The following GREB1 variants were observed in gnomAD, a reference collection of about 807,000 sequenced individuals.
GREB1 encodes protein GREB1.
Under a neutral mutation model 200.7 loss-of-function variants are expected in GREB1, and 106 were observed. The ratio of observed to expected loss-of-function variants is 0.53; its 90% CI spans 0.45 to 0.62. GREB1 has a LOEUF of 0.62. Ranked by LOEUF, GREB1 falls within the 20% of genes least tolerant of loss-of-function variation. The probability of loss-of-function intolerance (pLI) is 0.00; values close to 1 mark genes in which losing one functional copy is unlikely to be tolerated. For synonymous variants in GREB1, 1,132 were observed against 1,092.4 expected (o/e 1.04, Z -0.72); for missense variants, 2,243 against 2,556.8 (o/e 0.88, Z 2.65).
chr2:11,568,503 C>A (rs1677922065), intron 4 of GREB1, among the ~76,000 whole-genome samples: 1 of 152,260 alleles, frequency 6.6e-6, no homozygotes, highest in African/African-American at 2.4e-5. Context: ...TCCAGAAAAC[C>A]CACTCTAGCA....
At chr2:11,603,610 C>T (rs1681978898) in intron 17 of GREB1, among the ~76,000 whole-genome samples, 1 of 152,210 alleles carries the variant, frequency 6.6e-6, no homozygotes, top group African/African-American at 2.4e-5. Context: ...CTTGCAGAAA[C>T]TAAATCTCTT....
At chr2:11,521,888 T>C (rs560938706) in intron 1 of GREB1, among the ~76,000 whole-genome samples, 1 of 152,332 alleles carries the variant, frequency 6.6e-6, no homozygotes, top group South Asian at 2.1e-4. Flanking sequence ...CTTTGTACAA[T>C]GTACTCCACT....
At chr2:11,635,180 G>A (rs1054463290) in intron 29 of GREB1, 90 bp from the exon 30 acceptor site, 60 of 1,505,544 alleles carry the variant, frequency 4.0e-5, no homozygotes, top group Middle Eastern at 1.8e-4. Flanking sequence ...AGCCCCCTAC[G>A]ATGGGGACCC....
At chr2:11,504,842 T>G (rs1231683635) in intron 1 of GREB1, among the ~76,000 whole-genome samples, 1 of 152,270 alleles carries the variant, frequency 6.6e-6, no homozygotes, top group Non-Finnish European at 1.5e-5. Flanking sequence ...ATTGAGCCCT[T>G]TCTTGTGCCA....
intron 23 of GREB1, among the ~76,000 whole-genome samples, chr2:11,624,264 G>A (rs926843409): frequency 6.6e-6 from 1 of 151,814 alleles, no homozygotes; most frequent in African/African-American, 2.4e-5. Context: ...CAAGGTGGGT[G>A]CCCGGTACAG....
chr2:11,572,010 C>G (rs957003626), intron 4 of GREB1, among the ~76,000 whole-genome samples: 1 of 152,138 alleles, frequency 6.6e-6, no homozygotes, highest in African/African-American at 2.4e-5. Context: ...CACGCCCAGC[C>G]GAACCATGCA....
At chr2:11,577,563 G>A (rs1368990261) in intron 5 of GREB1, among the ~76,000 whole-genome samples, 1 of 152,200 alleles carries the variant, frequency 6.6e-6, no homozygotes, top group African/African-American at 2.4e-5. Context: ...CGCAGGGTGA[G>A]GAGGAGGCTG....
intron 1 of GREB1, among the ~76,000 whole-genome samples, chr2:11,550,041 C>T (rs1270131315): frequency 6.6e-6 from 1 of 152,094 alleles, no homozygotes; most frequent in Non-Finnish European, 1.5e-5. Context: ...CAACATAATG[C>T]AACCCCATTT....
chr2:11,573,715 C>G (rs2148014576), intron 4 of GREB1, among the ~76,000 whole-genome samples: 1 of 152,340 alleles, frequency 6.6e-6, no homozygotes, highest in African/African-American at 2.4e-5. Flanking sequence ...AGTTTGCTTG[C>G]TGAGTCCCTA....
intron 2 of GREB1, among the ~76,000 whole-genome samples, chr2:11,557,202 G>C (rs775596303): frequency 6.6e-6 from 1 of 152,030 alleles, no homozygotes; most frequent in Non-Finnish European, 1.5e-5. Flanking sequence ...AAAACCAAAA[G>C]CAAACATTAT....
At chr2:11,620,005 T>G (rs774148966) in intron 22 of GREB1, among the ~76,000 whole-genome samples, 7 of 152,020 alleles carry the variant, frequency 4.6e-5, no homozygotes, top group Non-Finnish European at 8.8e-5. Flanking sequence ...TCAGACGGAG[T>G]CTCGCTCTGT....
chr2:11,610,962 G>T lies in GREB1; in HGVS notation c.2941G>T (p.Glu981Ter). The change falls in exon 18 of 33, where the codon GAG becomes TAG. Residue 981 changes from glutamate to a stop codon, truncating the protein, a stop_gained. Coordinates refer to ENST00000381486, the MANE Select transcript of GREB1 (RefSeq NM_014668.4). LOFTEE classifies it high-confidence loss of function. Reference protein sequence around the residue: ...RARLALEEHFEIILGSPSSGV... With the variant: ...RARLALEEHF ...CCGGCTGGCGCTGGAGGAGCACTTT[G>T]AGATCATCCTGGGCAGTCCCAGCTC... 6.2e-7 allele frequency: 1 copy of T among 1,609,186 alleles called. No individual in the cohort carries two copies. Among genetic ancestry groups the T allele is most frequent in the Non-Finnish European group, 8.5e-7 (1 of 1,178,194 alleles).
Position 11,596,116 on chromosome 2 carries a change from GACAT to G in GREB1, c.1832_1835del (p.Asp611ValfsTer56), listed in dbSNP as rs772009164. ...GTTTATTCTGTCTTGGGCAGAGGGTGACATTGACATTTTGCTGGACAAATTTCAC... is the reference window on the plus strand; with the variant it reads ...GTTTATTCTGTCTTGGGCAGAGGGTGTGACATTTTGCTGGACAAATTTCAC... On this transcript the variant is annotated frameshift_variant, in exon 13 of 33. Coordinates refer to ENST00000381486, the MANE Select transcript of GREB1 (RefSeq NM_014668.4). LOFTEE classifies it high-confidence loss of function. 6.2e-7 allele frequency: 1 copy of G among 1,613,292 alleles called. No homozygotes were observed. Among genetic ancestry groups the G allele is most frequent in the Non-Finnish European group, 8.5e-7 (1 of 1,179,516 alleles).
At position 11,580,854 on chromosome 2, in the gene GREB1, G is replaced by T. The variant is rs200145343; in HGVS notation, c.901+22G>T. 1.9e-4 allele frequency: 311 copies of T among 1,614,130 alleles called. No homozygotes were observed. The highest frequency in any genetic ancestry group is 5.1e-4 in the African/African-American group (38 of 75,078). Reference sequence around the variant, plus strand: ...TTAGGTAGCTCTGCCTGTCCTGGCCGTCCTGGGGATCCTGCTCTTCTTTGG... The same window carrying T: ...TTAGGTAGCTCTGCCTGTCCTGGCCTTCCTGGGGATCCTGCTCTTCTTTGG... On this transcript the variant is annotated intron_variant, in intron 7 of 32. Transcript: ENST00000381486. This position sits in a 1 kb window ranked among gnomAD's most constrained non-coding sequence, Gnocchi z 4.5.
chr2:11,515,731 C>T (rs1673476513), intron 1 of GREB1, among the ~76,000 whole-genome samples: 1 of 152,208 alleles, frequency 6.6e-6, no homozygotes, highest in Admixed American at 6.5e-5. Context: ...CTTCATCAGC[C>T]CCTCCTCCGG....
At chr2:11,523,799 C>A (rs1258238076) in intron 1 of GREB1, among the ~76,000 whole-genome samples, 1 of 151,320 alleles carries the variant, frequency 6.6e-6, no homozygotes, top group Non-Finnish European at 1.5e-5. Context: ...TTGCCCCCGG[C>A]TTACTGTGTT....
chr2:11,588,176 C>A, intron 9 of GREB1: 1 of 566,178 alleles, frequency 1.8e-6, no homozygotes, highest in Non-Finnish European at 2.3e-6. Flanking sequence ...TTGTGGTGAG[C>A]CGAGATCACG....
At chr2:11,500,732 T>C (rs1673013634) in intron 1 of GREB1, among the ~76,000 whole-genome samples, 1 of 152,244 alleles carries the variant, frequency 6.6e-6, no homozygotes, top group Non-Finnish European at 1.5e-5. Context: ...GTTTCAGCAG[T>C]TGGGAAAGCG....
intron 9 of GREB1, chr2:11,588,330 C>T (rs993965479): frequency 1.2e-5 from 13 of 1,125,652 alleles, no homozygotes; most frequent in Middle Eastern, 4.0e-4. Flanking sequence ...CAGAATCCTC[C>T]CTGCTTGGAG....
Sources: gnomAD v4.1 joint callset for allele counts (sites outside exome capture counted in the v4.1 genomes callset) on GRCh38, gnomAD v4.1.1 for gene constraint, Gnocchi (gnomAD v3.1) non-coding constraint, MANE v1.5 for transcripts, NCBI Gene and HGNC (gene_info 2026-07-23, HGNC 2026-07-21) for gene names.